The following MTUS1 variants were observed in gnomAD, a reference collection of about 807,000 sequenced individuals.
The protein encoded by MTUS1 is microtubule-associated tumor suppressor 1.
MTUS1 carries 109 observed loss-of-function variants against 120.8 expected under a neutral mutation model. The observed-to-expected ratio is 0.90, with a 90% CI of 0.77 to 1.06. The LOEUF (loss-of-function observed/expected upper bound fraction) is 1.06. MTUS1 is among the 50% of genes least tolerant of loss of function. MTUS1 has a pLI of 0.00. For synonymous variants in MTUS1, 737 were observed against 550.5 expected (o/e 1.34, Z -4.74); for missense variants, 2,210 against 1,486.3 (o/e 1.49, Z -8.01).
At chr8:17,786,081 C>T (rs2051279426) in intron 1 of MTUS1, among the ~76,000 whole-genome samples, 1 of 152,102 alleles carries the variant, frequency 6.6e-6, no homozygotes, top group Admixed American at 6.6e-5. Flanking sequence ...TAGAGGCTGC[C>T]GTGAGCCAAG....
chr8:17,784,049 A>G (rs977433818), intron 1 of MTUS1, among the ~76,000 whole-genome samples: 4 of 152,206 alleles, frequency 2.6e-5, no homozygotes, highest in African/African-American at 4.8e-5. Flanking sequence ...TTAAAAGCAA[A>G]TAATTCAGTA....
chr8:17,672,331 C>G (rs1812201502), intron 8 of MTUS1, among the ~76,000 whole-genome samples: 1 of 152,180 alleles, frequency 6.6e-6, no homozygotes. Flanking sequence ...CACACCCACC[C>G]TTGGGGCAGA....
chr8:17,699,908 T>C (rs1174637973), intron 6 of MTUS1, among the ~76,000 whole-genome samples: 1 of 152,198 alleles, frequency 6.6e-6, no homozygotes, highest in African/African-American at 2.4e-5. Context: ...ATTTTTATAC[T>C]ATATATGCCT....
chr8:17,762,849 T>C (rs982875824), intron 1 of MTUS1, among the ~76,000 whole-genome samples: 4 of 152,128 alleles, frequency 2.6e-5, no homozygotes, highest in Non-Finnish European at 5.9e-5. Context: ...TTTCTATCCT[T>C]CTCCCTGGTG....
chr8:17,676,214 G>C, intron 7 of MTUS1: 1 of 702,046 alleles, frequency 1.4e-6, no homozygotes, highest in Non-Finnish European at 2.6e-6. Context: ...CTGAATTCCA[G>C]ACAGCCTCTG....
rs869060972 is a variant in MTUS1 at position 17,679,487 on chromosome 8, TTTTA to T, written c.2839-4239_2839-4236del. On this transcript the variant is annotated intron_variant, in intron 7 of 14. Transcript: ENST00000693296. ...GATTTTTTTTCTCCAACTATTTTTATTTTATTTATTTATTTATTTATTTATTTAT... is the reference window on the plus strand; with the variant it reads ...GATTTTTTTTCTCCAACTATTTTTATTTTATTTATTTATTTATTTATTTAT... 6.8e-4 allele frequency among the ~76,000 whole-genome samples: 22 copies of T among 32,366 alleles called. No homozygotes were observed. In the South Asian group the frequency reaches 0.016, roughly 23 times the overall value. 21.2% of individuals were successfully genotyped at this position (32,366 alleles called of 152,430 possible). A position where few individuals can be genotyped will look rare whatever the true frequency, so the allele number is the denominator to read the frequency against.
chr8:17,792,363 T>C (rs1418384802), intron 1 of MTUS1, among the ~76,000 whole-genome samples: 1 of 152,240 alleles, frequency 6.6e-6, no homozygotes, highest in Non-Finnish European at 1.5e-5. Context: ...AGGTTATACA[T>C]TTTTAAATGT....
intron 1 of MTUS1, among the ~76,000 whole-genome samples, chr8:17,781,187 T>C (rs781676649): frequency 3.9e-5 from 6 of 152,192 alleles, no homozygotes; most frequent in African/African-American, 1.2e-4. Flanking sequence ...AAGGAGTCTC[T>C]AAAAGAAATA....
chr8:17,695,501 C>T (rs11985164), intron 6 of MTUS1, among the ~76,000 whole-genome samples: 59,856 of 151,958 alleles, frequency 0.39, 11,939 homozygotes, highest in Admixed American at 0.45. Context: ...AATAGTTTTA[C>T]GTAAGTTTAG....
chr8:17,763,153 G>T (rs1167377915), intron 1 of MTUS1, among the ~76,000 whole-genome samples: 1 of 152,052 alleles, frequency 6.6e-6, no homozygotes, highest in Non-Finnish European at 1.5e-5. Context: ...ACCACGCCCA[G>T]CTAATTTTTT....
At chr8:17,793,702 G>A (rs2051988950) in intron 1 of MTUS1, among the ~76,000 whole-genome samples, 1 of 152,168 alleles carries the variant, frequency 6.6e-6, no homozygotes, top group African/African-American at 2.4e-5. Flanking sequence ...ACAGTGCTAA[G>A]TATTTTCCTT....
Position 17,653,269 on chromosome 8 carries a change from C to A in MTUS1, c.3301G>T (p.Asp1101Tyr). 2 of 1,553,846 alleles carry A rather than the reference C, an allele frequency of 1.3e-6. No individual in the cohort carries two copies. Among genetic ancestry groups the A allele is most frequent in the East Asian group, 2.3e-5 (1 of 44,064 alleles). Residue 1101 changes from aspartate (D) to tyrosine (Y), a missense_variant, in exon 12 of 15, where the codon GAT (aspartate) becomes TAT (tyrosine). Transcript: ENST00000693296. ...KQESLEKQIN[D>Y]LKSENDALNE... is the part of the protein sequence containing the mutation. The stretch of plus-strand genomic sequence containing the variant: ...AAAGCATCATTTTCACTCTTCAGAT[C>A]ATTGATTTGCTTCTAAAACACAATG...
intron 6 of MTUS1, among the ~76,000 whole-genome samples, chr8:17,699,910 T>C (rs1818703717): frequency 6.6e-6 from 1 of 152,198 alleles, no homozygotes; most frequent in Admixed American, 6.5e-5. Context: ...TTTTATACTA[T>C]ATATGCCTCT....
intron 4 of MTUS1, chr8:17,722,604 C>G (rs924286865): frequency 1.0e-6 from 1 of 983,730 alleles, no homozygotes; most frequent in African/African-American, 1.8e-5. Context: ...CTAGGTGACC[C>G]GTCGGAAATG....
intron 3 of MTUS1, among the ~76,000 whole-genome samples, chr8:17,724,557 T>C (rs961366465): frequency 6.6e-6 from 1 of 152,196 alleles, no homozygotes; most frequent in Non-Finnish European, 1.5e-5. Flanking sequence ...TTAAATGATC[T>C]TCACTCCAAC....
intron 6 of MTUS1, chr8:17,706,292 G>T (rs1166262549): frequency 1.3e-5 from 2 of 152,078 alleles, no homozygotes; most frequent in East Asian, 3.8e-4. Context: ...ATATTCCCAT[G>T]TCTCCAAACG....
intron 8 of MTUS1, among the ~76,000 whole-genome samples, chr8:17,669,376 A>T (rs1811544787): frequency 6.6e-6 from 1 of 152,210 alleles, no homozygotes; most frequent in South Asian, 2.1e-4. Flanking sequence ...CAAGAGGTGC[A>T]AATGAACCCA....
intron 1 of MTUS1, among the ~76,000 whole-genome samples, chr8:17,763,069 G>C (rs1039763209): frequency 1.5e-4 from 23 of 150,958 alleles, no homozygotes; most frequent in African/African-American, 5.6e-4. Flanking sequence ...TTGGCTCACT[G>C]CAACCTCCCC....
chr8:17,664,768 G>A (rs1463109283), intron 8 of MTUS1, among the ~76,000 whole-genome samples: 4 of 152,086 alleles, frequency 2.6e-5, no homozygotes, highest in Admixed American at 2.0e-4. Flanking sequence ...CCTGACACAC[G>A]TCCATGGCAA....
Sources: allele counts gnomAD v4.1 joint callset (sites outside exome capture counted in the v4.1 genomes callset), GRCh38; gene constraint gnomAD v4.1.1; transcripts MANE v1.5; gene names NCBI Gene and HGNC (gene_info 2026-07-23, HGNC 2026-07-21).